RYR2: variants seen among roughly 807,000 people sequenced by gnomAD.
RYR2 encodes ryanodine receptor 2.
In RYR2, 227 loss-of-function variants were observed where a neutral mutation model predicts 601.1. The ratio of observed to expected loss-of-function variants is 0.38; its 90% CI spans 0.34 to 0.42. RYR2 has a LOEUF of 0.42. Ranked by LOEUF, RYR2 falls within the 10% of genes least tolerant of loss-of-function variation. RYR2 has a pLI of 1.00. For missense variants in RYR2, 4,646 were observed against 6,156.5 expected (o/e 0.75, Z 8.21); for synonymous variants, 2,223 against 2,175.1 (o/e 1.02, Z -0.61).
intron 2 of RYR2, among the ~76,000 whole-genome samples, chr1:237,305,171 G>A (rs773156374): frequency 9.9e-5 from 15 of 152,128 alleles, no homozygotes; most frequent in South Asian, 2.1e-4. Context: ...TTTTGCTCAC[G>A]TGCACAAGGA....
At chr1:237,545,359 G>A (rs552949758) in intron 25 of RYR2, among the ~76,000 whole-genome samples, 1 of 152,308 alleles carries the variant, frequency 6.6e-6, no homozygotes, top group Non-Finnish European at 1.5e-5. Flanking sequence ...ATGAGATATT[G>A]CTAGAAAGTC....
chr1:237,242,871 A>C (rs544421657), intron 1 of RYR2, among the ~76,000 whole-genome samples: 1 of 152,148 alleles, frequency 6.6e-6, no homozygotes, highest in African/African-American at 2.4e-5. Flanking sequence ...CAGAAACCCA[A>C]CTGAAACTGA....
At chr1:237,647,336 A>G (rs1682277621) in intron 48 of RYR2, among the ~76,000 whole-genome samples, 1 of 152,164 alleles carries the variant, frequency 6.6e-6, no homozygotes, top group East Asian at 1.9e-4. Context: ...GGGTTGTGGG[A>G]ATTGTGTAAG....
intron 1 of RYR2, among the ~76,000 whole-genome samples, chr1:237,255,305 T>C (rs2149288839): frequency 6.6e-6 from 1 of 152,316 alleles, no homozygotes; most frequent in African/African-American, 2.4e-5. Flanking sequence ...TCTTTTTAGA[T>C]CTGATATTTT....
At position 237,650,067 on chromosome 1, in the gene RYR2, C is replaced by T; in HGVS notation, c.7703C>T (p.Ser2568Phe). 6.2e-7 allele frequency: 1 copy of T among 1,613,958 alleles called. No homozygotes were observed. Among genetic ancestry groups the T allele is most frequent in the South Asian group, 1.1e-5 (1 of 91,088 alleles). Reference protein sequence around the residue: ...GCSLTKAQRDSIEVCLLSICG... With the variant: ...GCSLTKAQRDFIEVCLLSICG... ...TCACTTACCAAAGCTCAGCGGGATTCCATAGAAGTTTGTTTACTCTCTATT... is the reference window on the plus strand; with the variant it reads ...TCACTTACCAAAGCTCAGCGGGATTTCATAGAAGTTTGTTTACTCTCTATT... Residue 2568 changes from serine (S) to phenylalanine (F), a missense_variant, in exon 50 of 105, where the codon TCC (serine) becomes TTC (phenylalanine). Physicochemically the swap from Ser to Phe is radical, Grantham distance 155 (BLOSUM62 -2). This residue lies in a region of RYR2 where 1,497 missense variants were observed against 1,842.6 expected (regional missense o/e 0.81). Transcript: ENST00000366574.
intron 58 of RYR2, among the ~76,000 whole-genome samples, chr1:237,672,097 C>A (rs148194812): frequency 2.6e-5 from 4 of 152,072 alleles, no homozygotes; most frequent in Admixed American, 2.0e-4. Flanking sequence ...GGAGGAGCAA[C>A]GTAAATGTCC....
intron 1 of RYR2, among the ~76,000 whole-genome samples, chr1:237,088,128 A>G (rs1666557603): frequency 6.6e-6 from 1 of 152,168 alleles, no homozygotes; most frequent in Non-Finnish European, 1.5e-5. Flanking sequence ...CATGGAAGAC[A>G]TGATACTCCT....
chr1:237,172,161 AT>A (rs1677478897), intron 1 of RYR2, among the ~76,000 whole-genome samples: 1 of 152,206 alleles, frequency 6.6e-6, no homozygotes, highest in Non-Finnish European at 1.5e-5. Flanking sequence ...GGGAAATCTT[AT>A]TCCTTTTTAA....
chr1:237,173,904 A>C (rs1677708806), intron 1 of RYR2, among the ~76,000 whole-genome samples: 1 of 152,054 alleles, frequency 6.6e-6, no homozygotes, highest in African/African-American at 2.4e-5. Context: ...AAAATACGAA[A>C]AAATTAGCCT....
At chr1:237,128,217 C>T (rs1196634639) in intron 1 of RYR2, among the ~76,000 whole-genome samples, 2 of 152,178 alleles carry the variant, frequency 1.3e-5, no homozygotes, top group Non-Finnish European at 2.9e-5. Flanking sequence ...ACCCTGTCTC[C>T]ACCAAAACCA....
intron 35 of RYR2, among the ~76,000 whole-genome samples, chr1:237,609,300 C>G (rs1471551632): frequency 6.7e-6 from 1 of 148,912 alleles, no homozygotes; most frequent in Non-Finnish European, 1.5e-5. Context: ...ACCTCTCTCT[C>G]TCTCTTTTTT....
chr1:237,268,975 A>C (rs1689391989), intron 1 of RYR2, among the ~76,000 whole-genome samples: 1 of 149,808 alleles, frequency 6.7e-6, no homozygotes, highest in South Asian at 2.1e-4. Context: ...AATAAAGGCA[A>C]ATAAAAGCAT....
chr1:237,568,180 T>C (rs1332039099), intron 28 of RYR2, among the ~76,000 whole-genome samples: 5 of 151,774 alleles, frequency 3.3e-5, no homozygotes, highest in African/African-American at 1.2e-4. Context: ...GTGGGTGGGG[T>C]AGGAAGGAGA....
Position 237,595,669 on chromosome 1 carries a change from G to A in RYR2, c.4596+12G>A, listed in dbSNP as rs148557427. ...GCACATACTATCAGGTACGCGGTCA[G>A]TGATGATATCAGTCTTCTAGGGAGG... On this transcript the variant is annotated intron_variant, in intron 34 of 104. Transcript: ENST00000366574. The A allele has an allele frequency of 2.6e-4, 421 of 1,596,954 alleles. 1 individual carries two copies. In the African/African-American group the frequency reaches 5.1e-3, roughly 19 times the overall value.
chr1:237,617,730 A>G lies in RYR2; in HGVS notation c.5916+244A>G, dbSNP rs146642097. 2.9e-3 allele frequency among the ~76,000 whole-genome samples: 442 copies of G among 152,340 alleles called. 1 individual carries two copies. The highest frequency in any genetic ancestry group is 3.7e-3 in the Admixed American group (57 of 15,298). On this transcript the variant is annotated intron_variant, in intron 38 of 104. Coordinates refer to ENST00000366574, the MANE Select transcript of RYR2 (RefSeq NM_001035.3). Reference sequence around the variant, plus strand: ...CTCTTTGAGAAGGCCAAGATATGCCAGAGTCTGAAGTTCTTCAAATAGGAG... The same window carrying G: ...CTCTTTGAGAAGGCCAAGATATGCCGGAGTCTGAAGTTCTTCAAATAGGAG...
At chr1:237,344,830 C>T (rs185980876) in intron 3 of RYR2, among the ~76,000 whole-genome samples, 1 of 152,078 alleles carries the variant, frequency 6.6e-6, no homozygotes, top group African/African-American at 2.4e-5. Context: ...TTTTTTGAGA[C>T]AGAGTCTCGC....
At chr1:237,714,456 G>T (rs759206039) in intron 71 of RYR2, among the ~76,000 whole-genome samples, 6 of 152,120 alleles carry the variant, frequency 3.9e-5, no homozygotes, top group Non-Finnish European at 7.4e-5. Flanking sequence ...AAGGAGAGAG[G>T]GTGGAGGAGC....
intron 62 of RYR2, among the ~76,000 whole-genome samples, chr1:237,685,681 A>G (rs1686323311): frequency 6.6e-6 from 1 of 152,176 alleles, no homozygotes; most frequent in South Asian, 2.1e-4. Context: ...GAGTTAGCAC[A>G]CACAGCTGTC....
intron 58 of RYR2, among the ~76,000 whole-genome samples, chr1:237,668,461 C>T (rs1303104748): frequency 1.3e-5 from 2 of 152,190 alleles, no homozygotes; most frequent in African/African-American, 4.8e-5. Flanking sequence ...TTCAGTTTAA[C>T]GTATGCTATG....
Sources: gnomAD v4.1 joint callset for allele counts (sites outside exome capture counted in the v4.1 genomes callset) on GRCh38, gnomAD v4.1.1 for gene constraint, gnomAD v4.1.1 regional missense constraint, MANE v1.5 for transcripts, NCBI Gene and HGNC (gene_info 2026-07-23, HGNC 2026-07-21) for gene names.